Variants in DENND1A observed in about 807,000 individuals in gnomAD.
The protein encoded by DENND1A is DENN domain-containing protein 1A.
A neutral mutation model predicts 113.7 loss-of-function variants in DENND1A; 51 were observed. That is an observed-to-expected ratio of 0.45 (90% CI 0.36 to 0.57). The LOEUF (loss-of-function observed/expected upper bound fraction) is 0.57. DENND1A is among the 20% of genes least tolerant of loss of function. DENND1A has a pLI of 0.00. For synonymous variants in DENND1A, 565 were observed against 570.8 expected (o/e 0.99, Z 0.14); for missense variants, 1,258 against 1,395.9 (o/e 0.90, Z 1.57).
At chr9:123,504,880 T>C (rs2052783569) in intron 13 of DENND1A, among the ~76,000 whole-genome samples, 1 of 152,126 alleles carries the variant, frequency 6.6e-6, no homozygotes, top group Non-Finnish European at 1.5e-5. Flanking sequence ...TTCTCCATAA[T>C]GACACCAACA....
intron 13 of DENND1A, among the ~76,000 whole-genome samples, chr9:123,543,997 C>T (rs1206134252): frequency 5.9e-5 from 9 of 152,218 alleles, no homozygotes; most frequent in Admixed American, 5.9e-4. Context: ...GCTAACAAGG[C>T]TTGACTATAA....
At position 123,557,802 on chromosome 9, in the gene DENND1A, T is replaced by A. The variant is rs529857374; in HGVS notation, c.868-107A>T. 103 of 1,328,378 alleles carry A rather than the reference T, an allele frequency of 7.8e-5. 3 individuals carry two copies. The South Asian group carries it at 1.4e-3, about 19-fold the overall frequency. 82.3% of individuals were successfully genotyped at this position (1,328,378 alleles called of 1,614,324 possible). A position where few individuals can be genotyped will look rare whatever the true frequency, so the allele number is the denominator to read the frequency against. On this transcript the variant is annotated intron_variant, in intron 12 of 23. Transcript: ENST00000394215. Reference sequence around the variant, plus strand: ...CTGGAAGATCCTACGGATGGCAGGATCCATTTGATACCTCAGTTACTGGGA... The same window carrying A: ...CTGGAAGATCCTACGGATGGCAGGAACCATTTGATACCTCAGTTACTGGGA...
At chr9:123,535,966 TGGCAGTGGTAGC>T in intron 13 of DENND1A, among the ~76,000 whole-genome samples, 1 of 152,222 alleles carries the variant, frequency 6.6e-6, no homozygotes, top group African/African-American at 2.4e-5. Flanking sequence ...TCTGGGAATC[TGGCAGTGGTAGC>T]AGCAGTGGTA....
chr9:123,845,526 T>C (rs1454252816), intron 2 of DENND1A, among the ~76,000 whole-genome samples: 3 of 151,338 alleles, frequency 2.0e-5, no homozygotes, highest in African/African-American at 7.3e-5. Context: ...AAAAATTAAG[T>C]GGGTGTGGTG....
chr9:123,418,818 C>T (rs10124048), intron 19 of DENND1A, among the ~76,000 whole-genome samples: 25,663 of 152,230 alleles, frequency 0.17, 2,226 homozygotes, highest in South Asian at 0.24. Flanking sequence ...AGAGCAAGTG[C>T]GTAACAGGCC....
chr9:123,534,904 C>T (rs12338990), intron 13 of DENND1A, among the ~76,000 whole-genome samples: 28,507 of 151,776 alleles, frequency 0.19, 2,841 homozygotes, highest in African/African-American at 0.25. Flanking sequence ...TGGCTTTTTT[C>T]CCCCCCTTCA....
chr9:123,684,642 C>T (rs951139373), intron 5 of DENND1A, among the ~76,000 whole-genome samples: 3 of 152,230 alleles, frequency 2.0e-5, no homozygotes, highest in Non-Finnish European at 4.4e-5. Context: ...GAGATAACCA[C>T]ATTTAGCTTC....
chr9:123,660,931 A>G lies in DENND1A; in HGVS notation c.507+6095T>C, dbSNP rs527429836. Among the ~76,000 whole-genome samples the G allele has an allele frequency of 2.6e-5, 4 of 152,366 alleles. No individual in the cohort carries two copies. The East Asian group carries it at 7.7e-4, about 29-fold the overall frequency. ...TTTTTGGTTGTCACAGCTGGAGGGGAATGTGCTACCATCATATAGTGAGTA... is the reference window on the plus strand; with the variant it reads ...TTTTTGGTTGTCACAGCTGGAGGGGGATGTGCTACCATCATATAGTGAGTA... On this transcript the variant is annotated intron_variant, in intron 8 of 23. Transcript: ENST00000394215.
intron 5 of DENND1A, among the ~76,000 whole-genome samples, chr9:123,756,730 G>A (rs1211245950): frequency 6.6e-6 from 1 of 152,234 alleles, no homozygotes; most frequent in African/African-American, 2.4e-5. Context: ...GTGAGGGTGT[G>A]TGGGTTTGGG....
intron 2 of DENND1A, among the ~76,000 whole-genome samples, chr9:123,793,948 G>A (rs1833389373): frequency 6.6e-6 from 1 of 152,180 alleles, no homozygotes; most frequent in Non-Finnish European, 1.5e-5. Context: ...CTTAAAAGCT[G>A]GGAATCAATT....
At chr9:123,755,309 C>CTT (rs1237385687) in intron 5 of DENND1A, among the ~76,000 whole-genome samples, 2 of 143,220 alleles carry the variant, frequency 1.4e-5, no homozygotes, top group African/African-American at 5.1e-5. Flanking sequence ...TTCTTTCTTT[C>CTT]TTTTTTTTTT....
intron 9 of DENND1A, among the ~76,000 whole-genome samples, chr9:123,648,392 T>G (rs75212853): frequency 0.028 from 4,215 of 152,340 alleles, 62 homozygotes; most frequent in African/African-American, 0.032. Flanking sequence ...CACTGTAGTT[T>G]TAATGTGCTT....
intron 11 of DENND1A, among the ~76,000 whole-genome samples, chr9:123,587,574 T>C (rs115664049): frequency 0.032 from 4,885 of 152,182 alleles, 264 homozygotes; most frequent in African/African-American, 0.11. Flanking sequence ...CGTCCCCCCA[T>C]GCGTCCGTTT....
intron 2 of DENND1A, among the ~76,000 whole-genome samples, chr9:123,834,734 A>G (rs964228833): frequency 6.6e-6 from 1 of 152,228 alleles, no homozygotes. Context: ...AGCACCGCAT[A>G]TAGTAAGTCT....
chr9:123,762,112 G>T (rs1288746651), intron 4 of DENND1A, among the ~76,000 whole-genome samples: 1 of 152,122 alleles, frequency 6.6e-6, no homozygotes. Flanking sequence ...ATTCTGCCAC[G>T]CTGCACTAAA....
intron 21 of DENND1A, among the ~76,000 whole-genome samples, chr9:123,395,808 G>A (rs1165572118): frequency 2.0e-5 from 3 of 152,174 alleles, no homozygotes; most frequent in South Asian, 2.1e-4. Flanking sequence ...GGTTGTTACC[G>A]GACGCCCCTA....
Position 123,821,305 on chromosome 9 carries a change from T to TTA in DENND1A, c.89-28677_89-28676dup, listed in dbSNP as rs199767385. 8.7e-3 allele frequency among the ~76,000 whole-genome samples: 1,317 copies of TTA among 152,154 alleles called. 44 individuals carry two copies. The East Asian group carries it at 0.11, about 12-fold the overall frequency. On this transcript the variant is annotated intron_variant, in intron 2 of 23. Transcript: ENST00000394215. ...CAGGAAATATCTGAGTGTTGGAAAA[T>TTA]TATATATATATCTCTTACATTTTTT...
chr9:123,836,145 T>C (rs1253458675), intron 2 of DENND1A, among the ~76,000 whole-genome samples: 1 of 152,170 alleles, frequency 6.6e-6, no homozygotes, highest in Non-Finnish European at 1.5e-5. Flanking sequence ...GACAATTAGA[T>C]AAACAAGCTG....
At chr9:123,588,283 CAAAAAAA>C (rs10640791) in intron 11 of DENND1A, among the ~76,000 whole-genome samples, 5,035 of 68,096 alleles carry the variant, frequency 0.074, 357 homozygotes, top group African/African-American at 0.23. Context: ...AACTCTGTCT[CAAAAAAA>C]AAAAAAAAAA....
Sources: gnomAD v4.1 joint callset for allele counts (sites outside exome capture counted in the v4.1 genomes callset) on GRCh38, gnomAD v4.1.1 for gene constraint, MANE v1.5 for transcripts, NCBI Gene and HGNC (gene_info 2026-07-23, HGNC 2026-07-21) for gene names.